Variants in DUSP22 observed in about 807,000 individuals in gnomAD.
The protein encoded by DUSP22 is dual specificity protein phosphatase 22.
In DUSP22, 24 loss-of-function variants were observed where a neutral mutation model predicts 24.5. The observed-to-expected ratio is 0.98, with a 90% CI of 0.71 to 1.38. The LOEUF is 1.38. Among genes scored for constraint, DUSP22 ranks in the 40% most tolerant of loss-of-function variants. The pLI is 0.00. For synonymous variants in DUSP22, 160 were observed against 106.4 expected (o/e 1.50, Z -3.10); for missense variants, 330 against 269.2 (o/e 1.23, Z -1.58).
rs1046090482 is a variant in DUSP22, at chr6:350,361, G to A, written c.*1410G>A. Reference sequence around the variant, plus strand: ...ATTCAGTGGTCTAGTCCTTTATACCGACTCAGATTCCTTAAGCATGCAGAG... The same window carrying A: ...ATTCAGTGGTCTAGTCCTTTATACCAACTCAGATTCCTTAAGCATGCAGAG... On this transcript the variant is annotated 3_prime_UTR_variant, in exon 7 of 7. Coordinates refer to ENST00000419235, the MANE Select transcript of DUSP22 (RefSeq NM_001286555.3). 23 of 1,058,636 alleles carry A rather than the reference G, an allele frequency of 2.2e-5. No homozygotes were observed. The highest frequency in any genetic ancestry group is 1.5e-4 in the African/African-American group (9 of 58,750). 65.6% of individuals were successfully genotyped at this position (1,058,636 alleles called of 1,614,324 possible).
At position 350,326 on chromosome 6, in the gene DUSP22, G is replaced by A. The variant is rs570952095; in HGVS notation, c.*1375G>A. The A allele has an allele frequency of 7.7e-5, 77 of 1,005,582 alleles. No individual in the cohort carries two copies. The highest frequency in any genetic ancestry group is 3.6e-4 in the African/African-American group (21 of 57,610). 62.3% of individuals were successfully genotyped at this position (1,005,582 alleles called of 1,614,324 possible). Reference sequence around the variant, plus strand: ...TCTGGGGCTGCAGGCATCCTGGGACGCTGTACGCAATTCAGTGGTCTAGTC... The same window carrying A: ...TCTGGGGCTGCAGGCATCCTGGGACACTGTACGCAATTCAGTGGTCTAGTC... On this transcript the variant is annotated 3_prime_UTR_variant, in exon 7 of 7. Coordinates refer to ENST00000419235, the MANE Select transcript of DUSP22 (RefSeq NM_001286555.3).
intron 3 of DUSP22, among the ~76,000 whole-genome samples, chr6:327,627 C>T (rs1219564954): frequency 6.6e-6 from 1 of 152,300 alleles, no homozygotes; most frequent in Non-Finnish European, 1.5e-5. Flanking sequence ...GTGCCAGGGC[C>T]ATGCGCCTGT....
intron 4 of DUSP22, among the ~76,000 whole-genome samples, chr6:341,260 C>T (rs867305858): frequency 9.8e-5 from 15 of 152,428 alleles, no homozygotes; most frequent in Non-Finnish European, 1.6e-4. Flanking sequence ...TGTGCGTGGA[C>T]GTAAAGGTGA....
At chr6:340,235 G>A (rs1289247762) in intron 4 of DUSP22, among the ~76,000 whole-genome samples, 1 of 152,304 alleles carries the variant, frequency 6.6e-6, no homozygotes, top group Admixed American at 6.5e-5. Flanking sequence ...ATCAAAGTTG[G>A]GGAATCACTG....
chr6:321,534 A>G (rs1318714168), intron 3 of DUSP22, among the ~76,000 whole-genome samples: 3 of 152,304 alleles, frequency 2.0e-5, no homozygotes, highest in Non-Finnish European at 4.4e-5. Flanking sequence ...GATATTTTTT[A>G]GAAGTGAAAG....
At chr6:326,059 G>T in intron 3 of DUSP22, 1 of 234,264 alleles carries the variant, frequency 4.3e-6, no homozygotes, top group South Asian at 4.8e-5. Flanking sequence ...ATCTGCTGGT[G>T]CCTGGAGAGT....
At chr6:302,089 G>A (rs1757604695) in intron 1 of DUSP22, among the ~76,000 whole-genome samples, 1 of 152,302 alleles carries the variant, frequency 6.6e-6, no homozygotes, top group Non-Finnish European at 1.5e-5. Context: ...AGATGGCGGA[G>A]GCAAGCTCAG....
chr6:314,201 G>A (rs1306452765), intron 3 of DUSP22, among the ~76,000 whole-genome samples: 2 of 152,298 alleles, frequency 1.3e-5, no homozygotes, highest in Non-Finnish European at 2.9e-5. Flanking sequence ...GAGCCCCTAA[G>A]TGAGGGTGAT....
At chr6:341,661 C>T (rs1413171414) in intron 4 of DUSP22, among the ~76,000 whole-genome samples, 1 of 152,310 alleles carries the variant, frequency 6.6e-6, no homozygotes, top group Non-Finnish European at 1.5e-5. Flanking sequence ...TGGGGTGGCG[C>T]CGCGAATGGC....
At chr6:297,974 C>T (rs545923425) in intron 1 of DUSP22, among the ~76,000 whole-genome samples, 4 of 152,418 alleles carry the variant, frequency 2.6e-5, no homozygotes, top group South Asian at 2.1e-4. Context: ...AGGAAAGACA[C>T]GAAGACCCTG....
chr6:344,915 A>G (rs1023496539), intron 4 of DUSP22, among the ~76,000 whole-genome samples: 2 of 152,304 alleles, frequency 1.3e-5, no homozygotes, highest in Non-Finnish European at 2.9e-5. Context: ...GGTGGCCTGC[A>G]CCATCCACAG....
At chr6:340,822 C>T (rs1320505727) in intron 4 of DUSP22, among the ~76,000 whole-genome samples, 1 of 152,300 alleles carries the variant, frequency 6.6e-6, no homozygotes, top group African/African-American at 2.4e-5. Flanking sequence ...CAGGACAGGA[C>T]CATCTTAGAT....
chr6:305,772 C>A (rs1338320147), intron 2 of DUSP22, among the ~76,000 whole-genome samples: 1 of 152,308 alleles, frequency 6.6e-6, no homozygotes, highest in East Asian at 1.9e-4. Flanking sequence ...AGCTTGCAGG[C>A]AGGTCCCCAC....
chr6:305,031 C>G (rs1191688332), intron 2 of DUSP22, among the ~76,000 whole-genome samples: 1 of 152,310 alleles, frequency 6.6e-6, no homozygotes, highest in Admixed American at 6.5e-5. Flanking sequence ...AATGGCCTTC[C>G]TTCTTAAAGC....
At chr6:335,762 C>T (rs1759333739) in intron 4 of DUSP22, among the ~76,000 whole-genome samples, 1 of 152,302 alleles carries the variant, frequency 6.6e-6, no homozygotes, top group Non-Finnish European at 1.5e-5. Context: ...CCGTTCAGAC[C>T]AGCTGTGTTT....
intron 2 of DUSP22, 44 bp from the exon 3 acceptor site, chr6:311,836 C>T: frequency 6.5e-7 from 1 of 1,546,454 alleles, no homozygotes; most frequent in Non-Finnish European, 8.8e-7. Flanking sequence ...GAGTAATTAA[C>T]TTGCAAAGAT....
Position 349,467 on chromosome 6 carries a change from T to A in DUSP22, c.*516T>A, listed in dbSNP as rs1351467970. 3.0e-6 allele frequency: 3 copies of A among 1,006,830 alleles called. No individual in the cohort carries two copies. In the East Asian group the frequency reaches 3.2e-4, roughly 106 times the overall value. 62.4% of individuals were successfully genotyped at this position (1,006,830 alleles called of 1,614,324 possible). ...CATTTGAGCTCGACCTCCGAAAAGC[T>A]ACCCAGCAAAGAGCAGTCTGTGCCT... is the stretch of plus-strand genomic sequence containing the variant. On this transcript the variant is annotated 3_prime_UTR_variant, in exon 7 of 7. Coordinates refer to ENST00000419235, the MANE Select transcript of DUSP22 (RefSeq NM_001286555.3).
At chr6:345,970 G>T (rs755137431) in intron 5 of DUSP22, 42 bp downstream of exon 5, 95 of 1,608,842 alleles carry the variant, frequency 5.9e-5, no homozygotes, top group Non-Finnish European at 2.3e-5. Flanking sequence ...GCGTATTCTG[G>T]TCGGCTTGGC....
Position 351,199 on chromosome 6 carries a change from T to TA in DUSP22, c.*2249dup. On this transcript the variant is annotated 3_prime_UTR_variant, in exon 7 of 7. Coordinates refer to ENST00000419235, the MANE Select transcript of DUSP22 (RefSeq NM_001286555.3). The stretch of plus-strand genomic sequence containing the variant: ...ACGCCTCCCAAGGACGAGCCCAGTG[T>TA]AGTTGTGTGGCGTGAACTCTGCCCG... 2.6e-6 allele frequency: 1 copy of TA among 388,720 alleles called. No individual in the cohort carries two copies. Among genetic ancestry groups the TA allele is most frequent in the Admixed American group, 4.1e-5 (1 of 24,102 alleles). The allele number at this position is 388,720 out of a possible 1,614,324, so 24.1% of individuals were successfully genotyped here. A position where few individuals can be genotyped will look rare whatever the true frequency, so the allele number is the denominator to read the frequency against.
Sources: gnomAD v4.1 joint callset for allele counts (sites outside exome capture counted in the v4.1 genomes callset) on GRCh38, gnomAD v4.1.1 for gene constraint, MANE v1.5 for transcripts, NCBI Gene and HGNC (gene_info 2026-07-23, HGNC 2026-07-21) for gene names.